The following FAM81A variants were observed in gnomAD, a reference collection of about 807,000 sequenced individuals.
The protein encoded by FAM81A is protein FAM81A.
FAM81A carries 19 observed loss-of-function variants against 46.7 expected under a neutral mutation model. That is an observed-to-expected ratio of 0.41 (90% CI 0.28 to 0.60). The LOEUF is 0.60. Among genes scored for constraint, FAM81A ranks in the 20% least tolerant of loss-of-function variants. FAM81A has a pLI of 0.34. For missense variants in FAM81A, 377 were observed against 453.5 expected, an observed-to-expected ratio of 0.83 and a Z score of 1.53; for synonymous variants, 183 against 152.9, an observed-to-expected ratio of 1.20 and a Z score of -1.45.
chr15:59,442,928 T>A (rs1344970071), intron 1 of FAM81A, among the ~76,000 whole-genome samples: 1 of 152,216 alleles, frequency 6.6e-6, no homozygotes, highest in African/African-American at 2.4e-5. Context: ...AATACTCGTG[T>A]ATATTTCCTT....
intron 4 of FAM81A, among the ~76,000 whole-genome samples, chr15:59,493,270 C>G (rs2082000448): frequency 6.6e-6 from 1 of 152,076 alleles, no homozygotes; most frequent in African/African-American, 2.4e-5. Flanking sequence ...GTGTCGAGGG[C>G]CTTGAATGCT....
Position 59,523,288 on chromosome 15 carries a change from A to G in FAM81A, c.*1910A>G, listed in dbSNP as rs2082345162. 6.6e-6 allele frequency: 1 copy of G among 152,250 alleles called. No homozygotes were observed. The highest frequency in any genetic ancestry group is 2.4e-5 in the African/African-American group (1 of 41,454). 9.4% of individuals were successfully genotyped at this position (152,250 alleles called of 1,614,324 possible). On this transcript the variant is annotated 3_prime_UTR_variant, in exon 9 of 9. Transcript: ENST00000288228. ...CACCGCAGGTGTGCTCACCTTGGCT[A>G]CATGTTGAAATCATCCAGAGGAGTT...
chr15:59,406,915 G>A (rs1418699686), intron 2 of FAM81A: 1 of 145,022 alleles, frequency 6.9e-6, no homozygotes, highest in Non-Finnish European at 1.5e-5. Context: ...AGGAGAATTT[G>A]TATTATTTTA....
At chr15:59,414,696 G>A (rs1190565095) in intron 2 of FAM81A, among the ~76,000 whole-genome samples, 1 of 152,166 alleles carries the variant, frequency 6.6e-6, no homozygotes, top group Non-Finnish European at 1.5e-5. Flanking sequence ...TTAAGAGAAA[G>A]CCTCCCCTTG....
chr15:59,447,547 C>G (rs1282118648), intron 1 of FAM81A, among the ~76,000 whole-genome samples: 2 of 152,196 alleles, frequency 1.3e-5, no homozygotes, highest in African/African-American at 2.4e-5. Flanking sequence ...AATTTGGAGG[C>G]ACTTCCTCAA....
intron 4 of FAM81A, among the ~76,000 whole-genome samples, chr15:59,505,638 CCT>C (rs1206597793): frequency 6.6e-6 from 1 of 152,158 alleles, no homozygotes; most frequent in Non-Finnish European, 1.5e-5. Flanking sequence ...GCAGTTCACC[CCT>C]GTGTCTGCCC....
Position 59,521,470 on chromosome 15 carries a change from T to G in FAM81A, c.*92T>G. ...GCCAGGCCATCGCTGCATTCAGGAT[T>G]GTTCCATCCATGGCGTGCATGTGCC... is the stretch of plus-strand genomic sequence containing the variant. On this transcript the variant is annotated 3_prime_UTR_variant, in exon 9 of 9. Transcript: ENST00000288228. 2 of 1,430,174 alleles carry G rather than the reference T, an allele frequency of 1.4e-6. No individual in the cohort carries two copies. The highest frequency in any genetic ancestry group is 3.0e-5 in the South Asian group (2 of 67,272). 88.6% of individuals were successfully genotyped at this position (1,430,174 alleles called of 1,614,324 possible). A position where few individuals can be genotyped will look rare whatever the true frequency, so the allele number is the denominator to read the frequency against.
intron 1 of FAM81A, among the ~76,000 whole-genome samples, chr15:59,398,422 G>A (rs564014878): frequency 6.6e-6 from 1 of 152,142 alleles, no homozygotes; most frequent in Non-Finnish European, 1.5e-5. Flanking sequence ...GAAAGCAAGA[G>A]GTAGACAGTG....
intron 2 of FAM81A, among the ~76,000 whole-genome samples, chr15:59,431,476 G>A (rs917806990): frequency 1.3e-5 from 2 of 150,906 alleles, no homozygotes; most frequent in Non-Finnish European, 1.5e-5. Flanking sequence ...CTCATGATCC[G>A]CCTGCCTTGG....
At chr15:59,459,565 A>G (rs1363495524) in intron 2 of FAM81A, among the ~76,000 whole-genome samples, 1 of 152,086 alleles carries the variant, frequency 6.6e-6, no homozygotes, top group African/African-American at 2.4e-5. Flanking sequence ...CCACGTAGGC[A>G]TTGAGTTTGT....
At chr15:59,487,251 A>G (rs953821551) in intron 3 of FAM81A, among the ~76,000 whole-genome samples, 30 of 144,222 alleles carry the variant, frequency 2.1e-4, no homozygotes, top group Middle Eastern at 3.6e-3. Flanking sequence ...ATATATTAGT[A>G]TAGAGTTTTT....
In FAM81A at chr15:59,523,403, G is replaced by T. The variant is rs1407254779; in HGVS notation, c.*2025G>T. The T allele has an allele frequency of 6.6e-6, 1 of 152,224 alleles. No homozygotes were observed. The highest frequency in any genetic ancestry group is 1.9e-4 in the East Asian group (1 of 5,204). The allele number at this position is 152,224 out of a possible 1,614,324, so 9.4% of individuals were successfully genotyped here. A position where few individuals can be genotyped will look rare whatever the true frequency, so the allele number is the denominator to read the frequency against. On this transcript the variant is annotated 3_prime_UTR_variant, in exon 9 of 9. Transcript: ENST00000288228. ...GTCGCAGGCATCAGTGCGTGCCCGA[G>T]GCCTCCGCGTGTTTGGGTGTGCAGC...
intron 2 of FAM81A, among the ~76,000 whole-genome samples, chr15:59,421,798 CCTAA>C (rs1216702332): frequency 2.7e-5 from 4 of 147,638 alleles, no homozygotes; most frequent in African/African-American, 1.0e-4. Flanking sequence ...TATCTACCTA[CCTAA>C]CTACCTACCA....
intron 7 of FAM81A, among the ~76,000 whole-genome samples, chr15:59,515,638 A>G (rs927852082): frequency 6.6e-6 from 1 of 152,088 alleles, no homozygotes; most frequent in African/African-American, 2.4e-5. Flanking sequence ...TTCATATATG[A>G]TTTTATATAT....
intron 1 of FAM81A, chr15:59,438,512 T>A (rs1337012610): frequency 1.3e-5 from 2 of 152,284 alleles, no homozygotes; most frequent in African/African-American, 4.8e-5. Flanking sequence ...TCGCGGGGGC[T>A]GCATGCTAGC....
Position 59,492,285 on chromosome 15 carries a change from G to C in FAM81A, c.309G>C (p.Gln103His), listed in dbSNP as rs752818010. The C allele has an allele frequency of 3.7e-5, 59 of 1,612,828 alleles. No homozygotes were observed. Among genetic ancestry groups the C allele is most frequent in the Non-Finnish European group, 4.8e-5 (57 of 1,179,324 alleles). The change falls in exon 4 of 9, where the codon CAG (glutamine) becomes CAC (histidine). Residue 103 changes from glutamine (Q) to histidine (H), a missense_variant. Physicochemically the swap from Gln to His is conservative, Grantham distance 24. Transcript: ENST00000288228. ...LNRDIEVLQEQIRARDNISYG... is the reference protein window; with the variant it reads ...LNRDIEVLQEHIRARDNISYG... ...ATGTTGCCCAGGTACTCCAGGAGCA[G>C]ATTCGTGCCCGGGACAACATTAGCT...
intron 4 of FAM81A, among the ~76,000 whole-genome samples, chr15:59,502,261 C>T (rs1287308154): frequency 2.7e-5 from 4 of 150,372 alleles, no homozygotes; most frequent in Admixed American, 6.6e-5. Flanking sequence ...ATACATGTGC[C>T]ATGCTGGTGT....
At chr15:59,443,612 G>A (rs2081324354) in intron 1 of FAM81A, among the ~76,000 whole-genome samples, 1 of 152,144 alleles carries the variant, frequency 6.6e-6, no homozygotes, top group Non-Finnish European at 1.5e-5. Context: ...GTCCCTTTCA[G>A]TGCATTCCTT....
chr15:59,402,543 A>T (rs2081076033), intron 2 of FAM81A, among the ~76,000 whole-genome samples: 1 of 151,992 alleles, frequency 6.6e-6, no homozygotes, highest in Non-Finnish European at 1.5e-5. Flanking sequence ...TTATTATTTA[A>T]TTTTATTTTT....
Sources: allele counts gnomAD v4.1 joint callset (sites outside exome capture counted in the v4.1 genomes callset), GRCh38; gene constraint gnomAD v4.1.1; transcripts MANE v1.5; gene names NCBI Gene and HGNC (gene_info 2026-07-23, HGNC 2026-07-21).